CPE: variants seen among roughly 807,000 people sequenced by gnomAD.
CPE encodes carboxypeptidase E, also known as carbocypeptidase E.
CPE carries 17 observed loss-of-function variants against 53.5 expected under a neutral mutation model. The ratio of observed to expected loss-of-function variants is 0.32; its 90% CI spans 0.22 to 0.48. The LOEUF (loss-of-function observed/expected upper bound fraction) is 0.48, where lower values mean the gene tolerates loss of function less well. Among genes scored for constraint, CPE ranks in the 20% least tolerant of loss-of-function variants. The pLI is 0.99. For missense variants in CPE, 524 were observed against 614.7 expected, an observed-to-expected ratio of 0.85 and a Z score of 1.56; for synonymous variants, 226 against 228.8, an observed-to-expected ratio of 0.99 and a Z score of 0.11.
At chr4:165,438,095 A>G (rs919043221) in intron 1 of CPE, among the ~76,000 whole-genome samples, 4 of 152,160 alleles carry the variant, frequency 2.6e-5, no homozygotes, top group African/African-American at 9.7e-5. Flanking sequence ...TAGGGGAAGG[A>G]TATCTGTGGA....
At chr4:165,480,640 G>C (rs1248344759) in intron 3 of CPE, among the ~76,000 whole-genome samples, 1 of 152,166 alleles carries the variant, frequency 6.6e-6, no homozygotes, top group African/African-American at 2.4e-5. Context: ...ATTTCATAGA[G>C]TAAATGGGAG....
rs371048624 is a variant in CPE at position 165,456,780 on chromosome 4, C to T, written c.308-7610C>T. Among the ~76,000 whole-genome samples, 1,077 of 135,462 alleles carry T rather than the reference C, an allele frequency of 8.0e-3. 21 individuals carry two copies. Among genetic ancestry groups the T allele is most frequent in the African/African-American group, 0.029 (1,022 of 35,136 alleles). The allele number at this position is 135,462 out of a possible 152,430, so 88.9% of individuals were successfully genotyped here. ...TTTTTGAGATGGAGTCTCACTCTGT[C>T]GCCCAGGCTGGAGTATAGTGGCACG... On this transcript the variant is annotated intron_variant, in intron 1 of 8. Transcript: ENST00000402744.
intron 3 of CPE, among the ~76,000 whole-genome samples, chr4:165,479,878 G>T (rs1213346363): frequency 6.6e-6 from 1 of 151,906 alleles, no homozygotes; most frequent in African/African-American, 2.4e-5. Context: ...TGTAGTCCCA[G>T]CTACGCGGGA....
intron 1 of CPE, among the ~76,000 whole-genome samples, chr4:165,380,684 A>G (rs923174038): frequency 6.6e-6 from 1 of 152,210 alleles, no homozygotes; most frequent in African/African-American, 2.4e-5. Context: ...AAGAGATTAA[A>G]ATAAGTGATC....
At chr4:165,472,953 G>A (rs1732234591) in intron 3 of CPE, among the ~76,000 whole-genome samples, 1 of 144,182 alleles carries the variant, frequency 6.9e-6, no homozygotes, top group Admixed American at 6.7e-5. Flanking sequence ...TAGGTTTGCA[G>A]CTTAGGACAC....
At chr4:165,476,698 G>C (rs1579279226) in intron 3 of CPE, among the ~76,000 whole-genome samples, 2 of 152,144 alleles carry the variant, frequency 1.3e-5, no homozygotes, top group East Asian at 1.9e-4. Flanking sequence ...GGTGTTGGGA[G>C]AAGGCCCTCT....
At chr4:165,432,109 A>G (rs1392395764) in intron 1 of CPE, among the ~76,000 whole-genome samples, 4 of 152,214 alleles carry the variant, frequency 2.6e-5, no homozygotes, top group East Asian at 3.8e-4. Flanking sequence ...CTCCCAAAAC[A>G]TATTTCAAGT....
At chr4:165,461,319 A>C (rs1003635733) in intron 1 of CPE, among the ~76,000 whole-genome samples, 8 of 152,068 alleles carry the variant, frequency 5.3e-5, no homozygotes, top group African/African-American at 1.7e-4. Flanking sequence ...AGCAGAGAGC[A>C]TTATAGGGAC....
At chr4:165,447,564 C>A (rs537542934) in intron 1 of CPE, among the ~76,000 whole-genome samples, 2 of 139,202 alleles carry the variant, frequency 1.4e-5, no homozygotes, top group Non-Finnish European at 3.1e-5. Context: ...GAGGGAGACT[C>A]TGTCTTTAAA....
intron 1 of CPE, chr4:165,415,377 T>A (rs4690816): frequency 6.1e-6 from 1 of 163,706 alleles, no homozygotes; most frequent in South Asian, 2.1e-4. Context: ...TCCTTTATCA[T>A]TTGGATTAAA....
In CPE at chr4:165,481,006, A is replaced by G. The variant is rs866539679; in HGVS notation, c.673-1236A>G. Reference sequence around the variant, plus strand: ...CATTTTCTACAATGGATATATATATATATATATATATTTTTTTTTTTTTTT... The same window carrying G: ...CATTTTCTACAATGGATATATATATGTATATATATATTTTTTTTTTTTTTT... On this transcript the variant is annotated intron_variant, in intron 3 of 8. Transcript: ENST00000402744. 8.9e-3 allele frequency among the ~76,000 whole-genome samples: 498 copies of G among 55,816 alleles called. 2 individuals are homozygous for G. The highest frequency in any genetic ancestry group is 0.019 in the Admixed American group (89 of 4,756). 36.6% of individuals were successfully genotyped at this position (55,816 alleles called of 152,430 possible). A position where few individuals can be genotyped will look rare whatever the true frequency, so the allele number is the denominator to read the frequency against.
intron 2 of CPE, among the ~76,000 whole-genome samples, chr4:165,466,683 A>AT (rs1478423134): frequency 1.3e-5 from 2 of 151,884 alleles, no homozygotes; most frequent in African/African-American, 4.8e-5. Flanking sequence ...TGCCCAGCTA[A>AT]TTTTTTATAT....
intron 1 of CPE, among the ~76,000 whole-genome samples, chr4:165,439,957 TTC>T (rs1271212178): frequency 1.3e-5 from 2 of 152,202 alleles, no homozygotes; most frequent in African/African-American, 2.4e-5. Context: ...TGAAGTTTAT[TTC>T]TCTGTTTTCT....
intron 1 of CPE, among the ~76,000 whole-genome samples, chr4:165,399,860 A>G (rs1474618002): frequency 6.6e-6 from 1 of 152,112 alleles, no homozygotes; most frequent in Non-Finnish European, 1.5e-5. Context: ...TGACCAGTGT[A>G]GAGGAGAGAA....
Position 165,491,871 on chromosome 4 carries a change from A to G in CPE, c.1114-1300A>G, listed in dbSNP as rs868229368. On this transcript the variant is annotated intron_variant, in intron 6 of 8. Transcript: ENST00000402744. ...AGACTTATCTGTCTTCTGTAGGGAAATAGTCAAGTATCATAAGTAGCGAAA... is the reference window on the plus strand; with the variant it reads ...AGACTTATCTGTCTTCTGTAGGGAAGTAGTCAAGTATCATAAGTAGCGAAA... Among the ~76,000 whole-genome samples the G allele has an allele frequency of 7.2e-4, 109 of 152,314 alleles. 1 individual carries two copies. Among genetic ancestry groups the G allele is most frequent in the Middle Eastern group, 6.8e-3 (2 of 294 alleles).
rs1478144202 is a variant in CPE, at chr4:165,379,410, C to T, written c.189C>T (p.Leu63=). ...YHRYPELREA[L]VSVWLQCTAI... ...GCTACCCCGAGCTGCGCGAGGCGCT[C>T]GTGTCCGTGTGGCTGCAGTGCACCG... Residue 63 remains leucine, a synonymous_variant, in exon 1 of 9, where the codon CTC becomes CTT. Coordinates refer to ENST00000402744, the MANE Select transcript of CPE (RefSeq NM_001873.4). The surrounding 1 kb of genome is among the most constrained non-coding windows in gnomAD (Gnocchi z 6.0). 1.9e-6 allele frequency: 3 copies of T among 1,610,208 alleles called. No homozygotes were observed. Among genetic ancestry groups the T allele is most frequent in the East Asian group, 2.2e-5 (1 of 44,768 alleles).
At chr4:165,431,533 A>G (rs1318640831) in intron 1 of CPE, among the ~76,000 whole-genome samples, 3 of 152,158 alleles carry the variant, frequency 2.0e-5, no homozygotes, top group African/African-American at 7.2e-5. Flanking sequence ...TAGCTCCCTT[A>G]AGTAAGGACA....
At chr4:165,459,681 G>GGT (rs1553976497) in intron 1 of CPE, among the ~76,000 whole-genome samples, 11 of 128,806 alleles carry the variant, frequency 8.5e-5, no homozygotes, top group Non-Finnish European at 1.6e-4. Context: ...GGGTGGGGGG[G>GGT]GGCGGGGCAG....
intron 1 of CPE, among the ~76,000 whole-genome samples, chr4:165,438,830 G>A (rs986420985): frequency 6.6e-6 from 1 of 152,190 alleles, no homozygotes; most frequent in African/African-American, 2.4e-5. Flanking sequence ...GGACTGTAGA[G>A]TTTGTAGTAG....
Sources: gnomAD v4.1 joint callset for allele counts (sites outside exome capture counted in the v4.1 genomes callset) on GRCh38, gnomAD v4.1.1 for gene constraint, Gnocchi (gnomAD v3.1) non-coding constraint, MANE v1.5 for transcripts, NCBI Gene and HGNC (gene_info 2026-07-23, HGNC 2026-07-21) for gene names.